The following FBH1 variants were observed in gnomAD, a reference collection of about 807,000 sequenced individuals.
FBH1 encodes the protein DNA 3'-5' helicase 1.
Under a neutral mutation model 115.5 loss-of-function variants are expected in FBH1, and 43 were observed. That is an observed-to-expected ratio of 0.37 (90% CI 0.29 to 0.48). The LOEUF (loss-of-function observed/expected upper bound fraction) is 0.48, where lower values mean the gene tolerates loss of function less well. Among genes scored for constraint, FBH1 ranks in the 20% least tolerant of loss-of-function variants. The pLI is 0.99. For missense variants in FBH1, 1,001 were observed against 1,337.3 expected (o/e 0.75, Z 3.92); for synonymous variants, 524 against 507.8 (o/e 1.03, Z -0.43).
At chr10:5,899,306 TTTTG>T (rs934945993) in intron 1 of FBH1, among the ~76,000 whole-genome samples, 1 of 152,124 alleles carries the variant, frequency 6.6e-6, no homozygotes, top group Admixed American at 6.5e-5. Flanking sequence ...TGATTTTTTG[TTTTG>T]TTTGTTTTGT....
chr10:5,894,178 C>CT (rs1339177573), intron 1 of FBH1: 1 of 985,276 alleles, frequency 1.0e-6, no homozygotes, highest in Non-Finnish European at 1.2e-6. Context: ...GGAGCTGGAG[C>CT]TCTATTTTGC....
intron 9 of FBH1, 172 bp from the exon 10 acceptor site, chr10:5,916,062 C>T: frequency 1.6e-6 from 1 of 624,710 alleles, no homozygotes; most frequent in Non-Finnish European, 2.8e-6. Flanking sequence ...TCCTGAAAGC[C>T]ATTTCCAGTC....
At position 5,932,496 on chromosome 10, in the gene FBH1, C is replaced by A. The variant is rs1217140634; in HGVS notation, c.2830-3960C>A. 1.3e-5 allele frequency among the ~76,000 whole-genome samples: 2 copies of A among 152,184 alleles called. No individual in the cohort carries two copies. Among genetic ancestry groups the A allele is most frequent in the African/African-American group, 4.8e-5 (2 of 41,454 alleles). ...TTTATCAGCTCACAGAGCTCTCTCG[C>A]CTCTTGGTCAGCTGCATAGTGTTCT... On this transcript the variant is annotated intron_variant, in intron 19 of 20. Transcript: ENST00000362091. This position sits in a 1 kb window ranked among gnomAD's most constrained non-coding sequence, Gnocchi z 5.9.
chr10:5,925,847 C>T lies in FBH1; in HGVS notation c.2722+355C>T, dbSNP rs1832615799. On this transcript the variant is annotated intron_variant, in intron 18 of 20. Coordinates refer to ENST00000362091, the MANE Select transcript of FBH1 (RefSeq NM_178150.3). The surrounding 1 kb of genome is among the most constrained non-coding windows in gnomAD (Gnocchi z 4.6). Reference sequence around the variant, plus strand: ...AATATAGTTTACTTGCTTACCATGGCATTTTTTTCCTTTCATTAATTCCTC... The same window carrying T: ...AATATAGTTTACTTGCTTACCATGGTATTTTTTTCCTTTCATTAATTCCTC... 6.6e-6 allele frequency among the ~76,000 whole-genome samples: 1 copy of T among 152,172 alleles called. No individual in the cohort carries two copies. Among genetic ancestry groups the T allele is most frequent in the African/African-American group, 2.4e-5 (1 of 41,424 alleles).
intron 1 of FBH1, chr10:5,894,012 T>C (rs1235393959): frequency 3.0e-6 from 3 of 985,324 alleles, no homozygotes; most frequent in Non-Finnish European, 3.6e-6. Context: ...CCCATCCTTG[T>C]TGGCTGTCAT....
Position 5,909,098 on chromosome 10 carries a change from TC to T in FBH1, c.884+45del. 1 of 1,613,772 alleles carries T rather than the reference TC, an allele frequency of 6.2e-7. No individual in the cohort carries two copies. The highest frequency in any genetic ancestry group is 8.5e-7 in the Non-Finnish European group (1 of 1,179,956). ...TGTAAAGAAGGCGTCTTTGAAGTCTTCCTTGTACATCAGTGCTTATGGTCAC... is the reference window on the plus strand; with the variant it reads ...TGTAAAGAAGGCGTCTTTGAAGTCTTCTTGTACATCAGTGCTTATGGTCAC... On this transcript the variant is annotated intron_variant, in intron 4 of 20. Coordinates refer to ENST00000362091, the MANE Select transcript of FBH1 (RefSeq NM_178150.3). The surrounding 1 kb of genome is among the most constrained non-coding windows in gnomAD (Gnocchi z 4.4).
At position 5,923,057 on chromosome 10, in the gene FBH1, A is replaced by G. The variant is rs1832404888; in HGVS notation, c.2323-564A>G. Among the ~76,000 whole-genome samples, 3 of 151,888 alleles carry G rather than the reference A, an allele frequency of 2.0e-5. No individual in the cohort carries two copies. In the South Asian group the frequency reaches 6.2e-4, roughly 32 times the overall value. On this transcript the variant is annotated intron_variant, in intron 15 of 20. Coordinates refer to ENST00000362091, the MANE Select transcript of FBH1 (RefSeq NM_178150.3). The surrounding 1 kb of genome is among the most constrained non-coding windows in gnomAD (Gnocchi z 5.7). The stretch of plus-strand genomic sequence containing the variant: ...GCCACCACACCCGGCTAATTTTTGT[A>G]TTTTTGGTAGAGACGGGGTTTCACC...
In FBH1 at chr10:5,910,312, A is replaced by T. The variant is rs868430720; in HGVS notation, c.1021-626A>T. 6.6e-6 allele frequency among the ~76,000 whole-genome samples: 1 copy of T among 152,216 alleles called. No individual in the cohort carries two copies. Among genetic ancestry groups the T allele is most frequent in the Non-Finnish European group, 1.5e-5 (1 of 68,008 alleles). On this transcript the variant is annotated intron_variant, in intron 5 of 20. Transcript: ENST00000362091. The surrounding 1 kb of genome is among the most constrained non-coding windows in gnomAD (Gnocchi z 4.8). Reference sequence around the variant, plus strand: ...AAAAAAAAGATGAAGATCTGTGTCCACTATTGACTGTTTCTGTGTAAGCGA... The same window carrying T: ...AAAAAAAAGATGAAGATCTGTGTCCTCTATTGACTGTTTCTGTGTAAGCGA...
chr10:5,937,312 C>A lies in FBH1; in HGVS notation c.*32C>A. 6.7e-7 allele frequency: 1 copy of A among 1,497,110 alleles called. No homozygotes were observed. The highest frequency in any genetic ancestry group is 2.6e-5 in the East Asian group (1 of 38,996). The allele number at this position is 1,497,110 out of a possible 1,614,324, so 92.7% of individuals were successfully genotyped here. A position where few individuals can be genotyped will look rare whatever the true frequency, so the allele number is the denominator to read the frequency against. On this transcript the variant is annotated 3_prime_UTR_variant, in exon 21 of 21. Transcript: ENST00000362091. ...GGCGCACGTTCTCCGCAGTGCAGAG[C>A]AGCTTGCCGAGGACCCCGCGTGAAG...
intron 2 of FBH1, among the ~76,000 whole-genome samples, chr10:5,904,835 ATTT>A (rs923672608): frequency 4.0e-5 from 6 of 151,106 alleles, no homozygotes; most frequent in Non-Finnish European, 8.9e-5. Flanking sequence ...AACCGTTATA[ATTT>A]TTTTTTTAAA....
At position 5,936,838 on chromosome 10, in the gene FBH1, C is replaced by T; in HGVS notation, c.2961+251C>T. 1 of 587,308 alleles carries T rather than the reference C, an allele frequency of 1.7e-6. No homozygotes were observed. Among genetic ancestry groups the T allele is most frequent in the Non-Finnish European group, 3.0e-6 (1 of 337,874 alleles). 36.4% of individuals were successfully genotyped at this position (587,308 alleles called of 1,614,324 possible). On this transcript the variant is annotated intron_variant, in intron 20 of 20. Transcript: ENST00000362091. This position sits in a 1 kb window ranked among gnomAD's most constrained non-coding sequence, Gnocchi z 5.6. The stretch of plus-strand genomic sequence containing the variant: ...TTGTGATACACGCTTAGAGAGAGAG[C>T]TGTTCCCTGGGGTCCCAGCGCAGCT...
At chr10:5,893,896 C>T in intron 1 of FBH1, 1 of 762,496 alleles carries the variant, frequency 1.3e-6, no homozygotes, top group Non-Finnish European at 1.6e-6. Context: ...TAGAAAAAGC[C>T]TTTCAAATAT....
At chr10:5,893,238 G>A (rs202096834) in intron 1 of FBH1, among the ~76,000 whole-genome samples, 3 of 152,136 alleles carry the variant, frequency 2.0e-5, no homozygotes, top group East Asian at 1.9e-4. Flanking sequence ...CCTGGGAGGC[G>A]GAGGTTGCAA....
Position 5,894,505 on chromosome 10 carries a change from A to G in FBH1, c.1+4159A>G, listed in dbSNP as rs1842901828. 4.0e-6 allele frequency: 4 copies of G among 1,011,316 alleles called. No individual in the cohort carries two copies. The East Asian group carries it at 9.5e-5, about 24-fold the overall frequency. The allele number at this position is 1,011,316 out of a possible 1,614,324, so 62.6% of individuals were successfully genotyped here. A position where few individuals can be genotyped will look rare whatever the true frequency, so the allele number is the denominator to read the frequency against. ...ACCATCACTCATGAGCTACGAGGTG[A>G]CTTCAGGCAAGTCCTCTCTGAGCCC... On this transcript the variant is annotated intron_variant, in intron 1 of 20. Coordinates refer to ENST00000362091, the MANE Select transcript of FBH1 (RefSeq NM_178150.3).
chr10:5,915,128 T>C lies in FBH1; in HGVS notation c.1397-275T>C, dbSNP rs1831847638. On this transcript the variant is annotated intron_variant, in intron 8 of 20. Transcript: ENST00000362091. This position sits in a 1 kb window ranked among gnomAD's most constrained non-coding sequence, Gnocchi z 5.2. ...CCTACCTCTAATGGATACCCACTTATTTCTGAGAAGCAAACTGAAGCTCAT... is the reference window on the plus strand; with the variant it reads ...CCTACCTCTAATGGATACCCACTTACTTCTGAGAAGCAAACTGAAGCTCAT... Among the ~76,000 whole-genome samples the C allele has an allele frequency of 6.6e-6, 1 of 152,156 alleles. No individual in the cohort carries two copies. The highest frequency in any genetic ancestry group is 6.5e-5 in the Admixed American group (1 of 15,290).
Position 5,917,791 on chromosome 10 carries a change from G to A in FBH1, c.1963+115G>A, listed in dbSNP as rs1334870964. The A allele has an allele frequency of 2.4e-6, 2 of 848,458 alleles. No homozygotes were observed. Among genetic ancestry groups the A allele is most frequent in the Non-Finnish European group, 3.8e-6 (2 of 532,326 alleles). The allele number at this position is 848,458 out of a possible 1,614,324, so 52.6% of individuals were successfully genotyped here. The stretch of plus-strand genomic sequence containing the variant: ...TTATTATTATTTGTGATAAAGAAGA[G>A]GATCTTCATACTTACCTTAGGATTT... On this transcript the variant is annotated intron_variant, in intron 12 of 20. Coordinates refer to ENST00000362091, the MANE Select transcript of FBH1 (RefSeq NM_178150.3). This position sits in a 1 kb window ranked among gnomAD's most constrained non-coding sequence, Gnocchi z 5.6.
intron 10 of FBH1, chr10:5,916,930 A>G (rs775903770): frequency 1.7e-4 from 32 of 190,628 alleles, no homozygotes; most frequent in Non-Finnish European, 2.2e-4. Flanking sequence ...GAAGGCAGAC[A>G]TGGAACGACC....
Position 5,914,329 on chromosome 10 carries a change from C to A in FBH1, c.1396+60C>A. On this transcript the variant is annotated intron_variant, in intron 8 of 20. Transcript: ENST00000362091. The surrounding 1 kb of genome is among the most constrained non-coding windows in gnomAD (Gnocchi z 5.2). ...GTTTTCTGCCTTTTCTCCCTACATC[C>A]CCTTCCCGCTACCTGCCAGGGCATC... is the stretch of plus-strand genomic sequence containing the variant. 7.2e-7 allele frequency: 1 copy of A among 1,390,752 alleles called. No individual in the cohort carries two copies. Among genetic ancestry groups the A allele is most frequent in the Non-Finnish European group, 1.0e-6 (1 of 976,780 alleles). The allele number at this position is 1,390,752 out of a possible 1,614,324, so 86.2% of individuals were successfully genotyped here. A position where few individuals can be genotyped will look rare whatever the true frequency, so the allele number is the denominator to read the frequency against.
At chr10:5,890,501 G>T (rs1038888224) in intron 1 of FBH1, among the ~76,000 whole-genome samples, 155 bp downstream of exon 1, 1 of 150,976 alleles carries the variant, frequency 6.6e-6, no homozygotes, top group African/African-American at 2.4e-5. Context: ...GCGGGCGTGG[G>T]GGCTCGGCCG....
Sources: gnomAD v4.1 joint callset for allele counts (sites outside exome capture counted in the v4.1 genomes callset) on GRCh38, gnomAD v4.1.1 for gene constraint, Gnocchi (gnomAD v3.1) non-coding constraint, MANE v1.5 for transcripts, NCBI Gene and HGNC (gene_info 2026-07-23, HGNC 2026-07-21) for gene names.